The following SLC22A25 variants were observed in gnomAD, a reference collection of about 807,000 sequenced individuals.
The protein encoded by SLC22A25 is solute carrier family 22 member 25.
Under a neutral mutation model 45.9 loss-of-function variants are expected in SLC22A25, and 44 were observed. The ratio of observed to expected loss-of-function variants is 0.96; its 90% CI spans 0.75 to 1.23. The LOEUF (loss-of-function observed/expected upper bound fraction) is 1.23. Ranked by LOEUF, SLC22A25 falls within the 50% of genes most tolerant of loss-of-function variation. SLC22A25 has a pLI of 0.00. For synonymous variants in SLC22A25, 283 were observed against 238.6 expected, an observed-to-expected ratio of 1.19 and a Z score of -1.72; for missense variants, 800 against 666.4, an observed-to-expected ratio of 1.20 and a Z score of -2.21.
At chr11:63,182,433 C>G (rs2088363553) in intron 8 of SLC22A25, among the ~76,000 whole-genome samples, 1 of 151,776 alleles carries the variant, frequency 6.6e-6, no homozygotes, top group Non-Finnish European at 1.5e-5. Context: ...TATGAAACCA[C>G]AGATAGCATC....
chr11:63,158,578 A>C lies in SLC22A25; in HGVS notation c.*5246T>G, dbSNP rs1301203424. The stretch of plus-strand genomic sequence containing the variant: ...GAATGGGGTATCCATCTTCTCAGTC[A>C]TTTATCCTTTGTGTTACAAACAATC... On this transcript the variant is annotated 3_prime_UTR_variant, in exon 12 of 12. Coordinates refer to ENST00000306494, the MANE Select transcript of SLC22A25 (RefSeq NM_199352.6). 6.6e-6 allele frequency among the ~76,000 whole-genome samples: 1 copy of C among 152,118 alleles called. No individual in the cohort carries two copies. The highest frequency in any genetic ancestry group is 1.5e-5 in the Non-Finnish European group (1 of 68,020).
chr11:63,167,277 T>G (rs2134707963), intron 9 of SLC22A25: 1 of 153,284 alleles, frequency 6.5e-6, no homozygotes, highest in Non-Finnish European at 1.5e-5. Flanking sequence ...GGAGTTTTTT[T>G]TTTTTCCCCC....
chr11:63,207,521 T>G (rs2134791315), intron 7 of SLC22A25, among the ~76,000 whole-genome samples: 1 of 152,278 alleles, frequency 6.6e-6, no homozygotes, highest in East Asian at 1.9e-4. Context: ...AAAAAGCTCA[T>G]CATCACTGGT....
chr11:63,200,392 TA>T (rs2089201604), intron 7 of SLC22A25, among the ~76,000 whole-genome samples: 2 of 148,674 alleles, frequency 1.3e-5, no homozygotes, highest in Non-Finnish European at 1.5e-5. Flanking sequence ...TAAACAGAAC[TA>T]AAGACAAAAA....
intron 5 of SLC22A25, among the ~76,000 whole-genome samples, chr11:63,225,163 A>G (rs566910310): frequency 6.6e-6 from 1 of 152,210 alleles, no homozygotes; most frequent in Non-Finnish European, 1.5e-5. Flanking sequence ...TAGTTAGTTT[A>G]TATGCCACAA....
chr11:63,224,314 T>C (rs368852080), intron 5 of SLC22A25, among the ~76,000 whole-genome samples: 23 of 152,268 alleles, frequency 1.5e-4, no homozygotes, highest in African/African-American at 4.8e-4. Flanking sequence ...TTATTTTCAG[T>C]CTATGTGTGT....
chr11:63,214,826 A>G (rs924095282), intron 7 of SLC22A25, among the ~76,000 whole-genome samples: 1 of 151,578 alleles, frequency 6.6e-6, no homozygotes, highest in Non-Finnish European at 1.5e-5. Context: ...CAGTGCACCT[A>G]AATAATAAAT....
chr11:63,183,976 A>G (rs558539808), intron 7 of SLC22A25, among the ~76,000 whole-genome samples, 159 bp from the exon 8 acceptor site: 43 of 152,128 alleles, frequency 2.8e-4, no homozygotes, highest in Admixed American at 7.2e-4. Flanking sequence ...CATCACCAGG[A>G]AAATGTAAGG....
chr11:63,219,783 A>G lies in SLC22A25; in HGVS notation c.507-2048T>C, dbSNP rs111937623. 18 of 534,200 alleles carry G rather than the reference A, an allele frequency of 3.4e-5. 1 individual carries two copies. Among genetic ancestry groups the G allele is most frequent in the African/African-American group, 2.3e-4 (12 of 51,704 alleles). The allele number at this position is 534,200 out of a possible 1,614,324, so 33.1% of individuals were successfully genotyped here. A position where few individuals can be genotyped will look rare whatever the true frequency, so the allele number is the denominator to read the frequency against. On this transcript the variant is annotated intron_variant, in intron 5 of 11. Transcript: ENST00000306494. ...CCACTACCTTATCTTGCACCACCCTATGATCCATTAAAATTGGTTTATCTG... is the reference window on the plus strand; with the variant it reads ...CCACTACCTTATCTTGCACCACCCTGTGATCCATTAAAATTGGTTTATCTG...
chr11:63,181,316 T>C (rs1460370641), intron 8 of SLC22A25, among the ~76,000 whole-genome samples: 1 of 152,000 alleles, frequency 6.6e-6, no homozygotes, highest in Non-Finnish European at 1.5e-5. Flanking sequence ...ATGATATACA[T>C]GTGCCATGTT....
At chr11:63,197,619 C>A (rs2089091250) in intron 7 of SLC22A25, among the ~76,000 whole-genome samples, 1 of 152,160 alleles carries the variant, frequency 6.6e-6, no homozygotes, top group South Asian at 2.1e-4. Flanking sequence ...ACCATAAAAA[C>A]CCTAGAAGAA....
At chr11:63,237,362 T>G (rs747437061) in intron 3 of SLC22A25, among the ~76,000 whole-genome samples, 1 of 152,156 alleles carries the variant, frequency 6.6e-6, no homozygotes, top group African/African-American at 2.4e-5. Context: ...AATAGGTTCA[T>G]GTGGATATCG....
chr11:63,236,092 G>C (rs1456037647), intron 3 of SLC22A25, among the ~76,000 whole-genome samples: 1 of 152,170 alleles, frequency 6.6e-6, no homozygotes, highest in Non-Finnish European at 1.5e-5. Flanking sequence ...TGGTGTTCAG[G>C]GACCCACTTG....
At chr11:63,204,332 C>T (rs969523012) in intron 7 of SLC22A25, among the ~76,000 whole-genome samples, 7 of 152,116 alleles carry the variant, frequency 4.6e-5, no homozygotes, top group African/African-American at 1.4e-4. Context: ...TGTAAATGGG[C>T]TAAATGCCCC....
intron 7 of SLC22A25, among the ~76,000 whole-genome samples, chr11:63,203,219 G>T (rs2089300428): frequency 6.6e-6 from 1 of 152,078 alleles, no homozygotes; most frequent in Non-Finnish European, 1.5e-5. Flanking sequence ...GTGCAAAAAG[G>T]CTGAAAATTC....
At chr11:63,186,938 G>A (rs1313139829) in intron 7 of SLC22A25, among the ~76,000 whole-genome samples, 1 of 152,150 alleles carries the variant, frequency 6.6e-6, no homozygotes, top group Non-Finnish European at 1.5e-5. Flanking sequence ...TGCTGTTTTG[G>A]TGACTGTAGC....
At chr11:63,174,229 A>G (rs2088002593) in intron 9 of SLC22A25, among the ~76,000 whole-genome samples, 1 of 151,706 alleles carries the variant, frequency 6.6e-6, no homozygotes, top group Non-Finnish European at 1.5e-5. Flanking sequence ...AAGGACATGA[A>G]CTCATCCTTT....
At chr11:63,211,499 A>G (rs1458637847) in intron 7 of SLC22A25, among the ~76,000 whole-genome samples, 1 of 152,104 alleles carries the variant, frequency 6.6e-6, no homozygotes, top group African/African-American at 2.4e-5. Flanking sequence ...TGCTCCCCAA[A>G]GTCAGCCTAT....
intron 9 of SLC22A25, chr11:63,166,888 A>G: frequency 1.0e-6 from 1 of 985,040 alleles, no homozygotes; most frequent in Non-Finnish European, 1.2e-6. Context: ...ACAGCTGGCA[A>G]GATGGCCGAA....
Sources: allele counts gnomAD v4.1 joint callset (sites outside exome capture counted in the v4.1 genomes callset), GRCh38; gene constraint gnomAD v4.1.1; transcripts MANE v1.5; gene names NCBI Gene and HGNC (gene_info 2026-07-23, HGNC 2026-07-21).